PRKCE: variants seen among roughly 807,000 people sequenced by gnomAD.
PRKCE encodes the protein protein kinase C epsilon type.
Under a neutral mutation model 85.4 loss-of-function variants are expected in PRKCE, and 16 were observed. That is an observed-to-expected ratio of 0.19 (90% CI 0.13 to 0.28). PRKCE has a LOEUF of 0.28. Ranked by LOEUF, PRKCE falls within the 10% of genes least tolerant of loss-of-function variation. The pLI, the probability that PRKCE is intolerant of heterozygous loss-of-function variation, is 1.00. For missense variants in PRKCE, 573 were observed against 975.2 expected, an observed-to-expected ratio of 0.59 and a Z score of 5.49; for synonymous variants, 388 against 371.5, an observed-to-expected ratio of 1.04 and a Z score of -0.51.
chr2:45,827,084 G>A lies in PRKCE; in HGVS notation c.349-15916G>A, dbSNP rs536712820. Among the ~76,000 whole-genome samples, 16 of 152,290 alleles carry A rather than the reference G, an allele frequency of 1.1e-4. No homozygotes were observed. In the East Asian group the frequency reaches 1.5e-3, roughly 15 times the overall value. On this transcript the variant is annotated intron_variant, in intron 1 of 14. Transcript: ENST00000306156. ...TCACTCACGGCCAAAGCCAAAGCAC[G>A]TGCCAGGCCCTGGCTCTCTGACCTC... is the stretch of plus-strand genomic sequence containing the variant.
intron 5 of PRKCE, 39 bp from the exon 6 acceptor site, chr2:45,984,511 AG>A: frequency 1.3e-6 from 2 of 1,591,416 alleles, no homozygotes; most frequent in Non-Finnish European, 1.7e-6. Flanking sequence ...TGGGGAACTG[AG>A]GAGCTCGGTG....
chr2:45,778,534 C>G (rs745441227), intron 1 of PRKCE, among the ~76,000 whole-genome samples: 1 of 152,148 alleles, frequency 6.6e-6, no homozygotes, highest in African/African-American at 2.4e-5. Flanking sequence ...ACTACTTTCA[C>G]TCAGCGTCCC....
intron 5 of PRKCE, among the ~76,000 whole-genome samples, chr2:45,981,774 C>T (rs939960662): frequency 7.2e-5 from 11 of 152,150 alleles, no homozygotes; most frequent in African/African-American, 2.7e-4. Flanking sequence ...GTATGACAGG[C>T]GTTATGCTGT....
intron 1 of PRKCE, among the ~76,000 whole-genome samples, chr2:45,655,179 C>G (rs753776321): frequency 3.9e-5 from 6 of 152,102 alleles, no homozygotes; most frequent in African/African-American, 1.4e-4. Context: ...GAAAATGAGG[C>G]CCTGGGTTAC....
chr2:45,764,410 T>C (rs1325142809), intron 1 of PRKCE, among the ~76,000 whole-genome samples: 1 of 152,222 alleles, frequency 6.6e-6, no homozygotes, highest in Admixed American at 6.5e-5. Flanking sequence ...AAATGGGATC[T>C]TAATTCAGGA....
chr2:45,923,082 G>T (rs1421673320), intron 2 of PRKCE, among the ~76,000 whole-genome samples: 1 of 152,184 alleles, frequency 6.6e-6, no homozygotes, highest in African/African-American at 2.4e-5. Flanking sequence ...TATAACAGAG[G>T]ACAGGAAGAC....
intron 10 of PRKCE, among the ~76,000 whole-genome samples, chr2:46,080,647 C>T (rs1010904250): frequency 6.6e-6 from 1 of 152,160 alleles, no homozygotes; most frequent in African/African-American, 2.4e-5. Flanking sequence ...TCTCATGGTG[C>T]TCCCTGGAGT....
intron 1 of PRKCE, among the ~76,000 whole-genome samples, chr2:45,785,882 C>T (rs771828729): frequency 2.1e-4 from 32 of 152,126 alleles, no homozygotes; most frequent in Admixed American, 3.9e-4. Flanking sequence ...CATGCAGCAC[C>T]GGGCAGACTG....
At chr2:45,739,649 A>G (rs1292505726) in intron 1 of PRKCE, among the ~76,000 whole-genome samples, 1 of 152,194 alleles carries the variant, frequency 6.6e-6, no homozygotes, top group Non-Finnish European at 1.5e-5. Context: ...GGAGAAGACA[A>G]AATTCTAGGG....
chr2:45,717,424 T>A (rs1680231183), intron 1 of PRKCE, among the ~76,000 whole-genome samples: 1 of 152,258 alleles, frequency 6.6e-6, no homozygotes, highest in Non-Finnish European at 1.5e-5. Flanking sequence ...TATCTATACA[T>A]GGGCACATGC....
chr2:46,047,254 A>G (rs1708582503), intron 10 of PRKCE, among the ~76,000 whole-genome samples: 1 of 152,172 alleles, frequency 6.6e-6, no homozygotes, highest in Non-Finnish European at 1.5e-5. Context: ...TGCTAAACTC[A>G]TTAGAAAAAG....
chr2:45,758,478 G>A (rs933687686), intron 1 of PRKCE, among the ~76,000 whole-genome samples: 1 of 151,662 alleles, frequency 6.6e-6, no homozygotes, highest in South Asian at 2.1e-4. Context: ...CTACCTCAGA[G>A]TCTTTGCACT....
chr2:45,955,304 A>G (rs1385171928), intron 2 of PRKCE, among the ~76,000 whole-genome samples: 2 of 152,126 alleles, frequency 1.3e-5, no homozygotes, highest in East Asian at 1.9e-4. Flanking sequence ...TATAATGAGA[A>G]GTTTGGAGGG....
rs146458377 is a variant in PRKCE, at chr2:46,052,131, G to T, written c.1438-34077G>T. 1.1e-4 allele frequency among the ~76,000 whole-genome samples: 16 copies of T among 152,330 alleles called. No individual in the cohort carries two copies. In the East Asian group the frequency reaches 3.1e-3, roughly 29 times the overall value. ...GAGAAAAGCCATATAATCTAAGATT[G>T]TGTCACTGTCAACACAGTCCCTTCT... On this transcript the variant is annotated intron_variant, in intron 10 of 14. Coordinates refer to ENST00000306156, the MANE Select transcript of PRKCE (RefSeq NM_005400.3).
chr2:46,174,513 G>A (rs1289311238), intron 14 of PRKCE, among the ~76,000 whole-genome samples: 1 of 152,086 alleles, frequency 6.6e-6, no homozygotes. Flanking sequence ...CCAAAGACCT[G>A]GGACCCCTGG....
At chr2:45,912,418 C>T (rs1159569835) in intron 2 of PRKCE, among the ~76,000 whole-genome samples, 2 of 152,286 alleles carry the variant, frequency 1.3e-5, no homozygotes, top group East Asian at 1.9e-4. Flanking sequence ...TTGCCATCAT[C>T]CCGGGCCTGC....
At chr2:46,054,314 C>T (rs1666352706) in intron 10 of PRKCE, among the ~76,000 whole-genome samples, 2 of 152,196 alleles carry the variant, frequency 1.3e-5, no homozygotes, top group South Asian at 4.1e-4. Context: ...ACCACCTCTT[C>T]CCACTTGCAT....
intron 10 of PRKCE, among the ~76,000 whole-genome samples, chr2:46,081,233 C>T (rs1669045903): frequency 6.6e-6 from 1 of 152,168 alleles, no homozygotes; most frequent in South Asian, 2.1e-4. Flanking sequence ...CCTCAGCCTC[C>T]CAAAGTGCTG....
At chr2:45,891,923 G>A (rs537003644) in intron 2 of PRKCE, among the ~76,000 whole-genome samples, 5 of 152,182 alleles carry the variant, frequency 3.3e-5, no homozygotes, top group Admixed American at 2.0e-4. Context: ...CCGTCCCCAC[G>A]TCTTCCTACA....
Sources: gnomAD v4.1 joint callset for allele counts (sites outside exome capture counted in the v4.1 genomes callset) on GRCh38, gnomAD v4.1.1 for gene constraint, MANE v1.5 for transcripts, NCBI Gene and HGNC (gene_info 2026-07-23, HGNC 2026-07-21) for gene names.